The following UGT1A6 variants were observed in gnomAD, a reference collection of about 807,000 sequenced individuals.
UGT1A6 encodes the protein UDP glucuronosyltransferase family 1 member A6.
UGT1A6 carries 32 observed loss-of-function variants against 44.4 expected under a neutral mutation model. The ratio of observed to expected loss-of-function variants is 0.72; its 90% CI spans 0.54 to 0.97. The LOEUF (loss-of-function observed/expected upper bound fraction) is 0.97. Among genes scored for constraint, UGT1A6 ranks in the 50% least tolerant of loss-of-function variants. The probability of loss-of-function intolerance (pLI) is 0.00; values close to 1 mark genes in which losing one functional copy is unlikely to be tolerated. For synonymous variants in UGT1A6, 238 were observed against 248.5 expected (o/e 0.96, Z 0.40); for missense variants, 685 against 661.9 (o/e 1.03, Z -0.38).
intron 1 of UGT1A6, among the ~76,000 whole-genome samples, chr2:233,758,415 C>A (rs917812043): frequency 6.6e-6 from 1 of 152,194 alleles, no homozygotes; most frequent in African/African-American, 2.4e-5. Flanking sequence ...TGTCTATAAT[C>A]TGCAAATGAA....
chr2:233,767,728 C>A, intron 2 of UGT1A6, 121 bp from the exon 3 acceptor site: 1 of 1,556,454 alleles, frequency 6.4e-7, no homozygotes, highest in Non-Finnish European at 8.7e-7. Context: ...AGTTACTGAT[C>A]CTCCCACTCT....
chr2:233,711,076 G>A (rs1307844481), intron 1 of UGT1A6, among the ~76,000 whole-genome samples: 2 of 152,172 alleles, frequency 1.3e-5, no homozygotes, highest in Non-Finnish European at 2.9e-5. Flanking sequence ...TTATGCTGAT[G>A]GCTCCAAGTC....
At chr2:233,713,167 T>C (rs768308601) in intron 1 of UGT1A6, 46 of 1,614,104 alleles carry the variant, frequency 2.8e-5, no homozygotes, top group Non-Finnish European at 1.8e-5. Flanking sequence ...CACCAGGTGG[T>C]GGTCCTCACC....
At chr2:233,753,957 TAA>T (rs1695357056) in intron 1 of UGT1A6, among the ~76,000 whole-genome samples, 1 of 152,156 alleles carries the variant, frequency 6.6e-6, no homozygotes, top group Non-Finnish European at 1.5e-5. Flanking sequence ...TCCAAAATAT[TAA>T]GAGAATAACG....
In UGT1A6 at chr2:233,773,267, C is replaced by T. The variant is rs1428279395; in HGVS notation, c.*708C>T. ...ACTTTTTTTCTGATGTTTCCTACAA[C>T]TAAAAATAAATTAATAAATTTATAT... On this transcript the variant is annotated 3_prime_UTR_variant, in exon 5 of 5. Transcript: ENST00000305139. 6.6e-6 allele frequency: 1 copy of T among 152,172 alleles called. No individual in the cohort carries two copies. Among genetic ancestry groups the T allele is most frequent in the Non-Finnish European group, 1.5e-5 (1 of 68,020 alleles). The allele number at this position is 152,172 out of a possible 1,614,324, so 9.4% of individuals were successfully genotyped here. A position where few individuals can be genotyped will look rare whatever the true frequency, so the allele number is the denominator to read the frequency against.
chr2:233,770,903 T>C (rs35203651), intron 4 of UGT1A6: 14,100 of 152,250 alleles, frequency 0.093, 767 homozygotes, highest in South Asian at 0.16. Flanking sequence ...CTGCAGGCTG[T>C]ACAGGAAGCT....
intron 4 of UGT1A6, 76 bp from the exon 5 acceptor site, chr2:233,772,186 A>G (rs1281313129): frequency 2.5e-6 from 4 of 1,593,838 alleles, no homozygotes; most frequent in Non-Finnish European, 2.6e-6. Flanking sequence ...AGTCTTCTTA[A>G]GCAGCCATGA....
chr2:233,762,546 T>C (rs1698100771), intron 1 of UGT1A6, among the ~76,000 whole-genome samples: 1 of 152,252 alleles, frequency 6.6e-6, no homozygotes. Context: ...CCACAGTGTA[T>C]TCTGCTGGAG....
intron 1 of UGT1A6, chr2:233,729,737 A>G (rs1236365518): frequency 6.2e-7 from 1 of 1,613,842 alleles, no homozygotes; most frequent in East Asian, 2.2e-5. Flanking sequence ...AATTCAGACC[A>G]CATGACATTC....
At chr2:233,737,915 A>C (rs986485881) in intron 1 of UGT1A6, among the ~76,000 whole-genome samples, 8 of 152,040 alleles carry the variant, frequency 5.3e-5, no homozygotes, top group Non-Finnish European at 8.8e-5. Context: ...AGAACAGGCT[A>C]GTGTATTTAG....
intron 1 of UGT1A6, chr2:233,754,534 G>A (rs1695504785): frequency 2.7e-6 from 1 of 372,112 alleles, no homozygotes; most frequent in Non-Finnish European, 5.3e-6. Flanking sequence ...GGCAAATGTG[G>A]ACTGGAATTA....
At chr2:233,770,801 A>C (rs1025526475) in intron 4 of UGT1A6, 2 of 152,250 alleles carry the variant, frequency 1.3e-5, no homozygotes, top group African/African-American at 4.8e-5. Flanking sequence ...ATATGTTTAA[A>C]GACAGTGTAT....
intron 4 of UGT1A6, among the ~76,000 whole-genome samples, chr2:233,771,929 A>G (rs1433247357): frequency 6.6e-6 from 1 of 152,182 alleles, no homozygotes; most frequent in African/African-American, 2.4e-5. Flanking sequence ...AGCCTGGGCA[A>G]CACAATAAGA....
chr2:233,767,835 T>C lies in UGT1A6; in HGVS notation c.994-14T>C. Reference sequence around the variant, plus strand: ...TGTTCTTTCTTTACGTTCTGCTCTTTTTGCCCCTCCCAGGTCCTGTGGCGG... The same window carrying C: ...TGTTCTTTCTTTACGTTCTGCTCTTCTTGCCCCTCCCAGGTCCTGTGGCGG... On this transcript the variant is annotated splice_polypyrimidine_tract_variant and intron_variant, in intron 2 of 4. Coordinates refer to ENST00000305139, the MANE Select transcript of UGT1A6 (RefSeq NM_001072.4). 1.9e-6 allele frequency: 3 copies of C among 1,614,192 alleles called. No homozygotes were observed. Among genetic ancestry groups the C allele is most frequent in the Non-Finnish European group, 2.5e-6 (3 of 1,180,034 alleles).
intron 1 of UGT1A6, among the ~76,000 whole-genome samples, chr2:233,746,833 TG>T (rs1311657706): frequency 6.6e-6 from 1 of 151,788 alleles, no homozygotes; most frequent in Non-Finnish European, 1.5e-5. Context: ...CTACCACTGT[TG>T]GGGACCTCTC....
chr2:233,729,594 C>T (rs1443112600), intron 1 of UGT1A6: 5 of 1,614,106 alleles, frequency 3.1e-6, no homozygotes, highest in Non-Finnish European at 4.2e-6. Flanking sequence ...CCGTTAACCT[C>T]TGCGCGGCAG....
chr2:233,715,201 T>TA (rs991074487), intron 1 of UGT1A6, among the ~76,000 whole-genome samples: 1 of 152,178 alleles, frequency 6.6e-6, no homozygotes, highest in Non-Finnish European at 1.5e-5. Flanking sequence ...TTCTATCTTT[T>TA]AAAAGACCCT....
intron 1 of UGT1A6, chr2:233,729,914 T>G (rs774517230): frequency 6.2e-7 from 1 of 1,614,026 alleles, no homozygotes. Context: ...GACTTTGTGA[T>G]GGACTACCCC....
intron 1 of UGT1A6, chr2:233,718,695 C>T (rs2076675906): frequency 6.3e-7 from 1 of 1,592,520 alleles, no homozygotes; most frequent in South Asian, 1.1e-5. Flanking sequence ...TGGAGGAGGG[C>T]ACTTTGTCTT....
Sources: allele counts gnomAD v4.1 joint callset (sites outside exome capture counted in the v4.1 genomes callset), GRCh38; gene constraint gnomAD v4.1.1; transcripts MANE v1.5; gene names NCBI Gene and HGNC (gene_info 2026-07-23, HGNC 2026-07-21).